The following LRP1B variants were observed in gnomAD, a reference collection of about 807,000 sequenced individuals.
The protein encoded by LRP1B is low-density lipoprotein receptor-related protein 1B.
A neutral mutation model predicts 556.6 loss-of-function variants in LRP1B; 217 were observed. The ratio of observed to expected loss-of-function variants is 0.39; its 90% CI spans 0.35 to 0.44. LRP1B has a LOEUF of 0.44. LRP1B is among the 20% of genes least tolerant of loss of function. The probability of loss-of-function intolerance (pLI) is 1.00; values close to 1 mark genes in which losing one functional copy is unlikely to be tolerated. For missense variants in LRP1B, 5,053 were observed against 5,620.8 expected, an observed-to-expected ratio of 0.90 and a Z score of 3.23; for synonymous variants, 2,047 against 1,865.8, an observed-to-expected ratio of 1.10 and a Z score of -2.50.
intron 2 of LRP1B, among the ~76,000 whole-genome samples, chr2:141,720,153 G>A (rs16846964): frequency 0.016 from 2,386 of 152,116 alleles, 27 homozygotes; most frequent in South Asian, 0.023. Context: ...CTATTAAAAG[G>A]AATTGTCATC....
At chr2:141,256,234 G>A (rs780825840) in intron 3 of LRP1B, among the ~76,000 whole-genome samples, 1 of 151,908 alleles carries the variant, frequency 6.6e-6, no homozygotes, top group Non-Finnish European at 1.5e-5. Flanking sequence ...TGAGAGTTTG[G>A]ATAGACAAAA....
At chr2:140,288,708 T>A (rs1683258831) in intron 84 of LRP1B, among the ~76,000 whole-genome samples, 1 of 152,000 alleles carries the variant, frequency 6.6e-6, no homozygotes, top group Admixed American at 6.6e-5. Flanking sequence ...TCATGGCTTC[T>A]ATTCATGAAA....
At chr2:140,304,873 T>C (rs1342261884) in intron 83 of LRP1B, among the ~76,000 whole-genome samples, 3 of 152,212 alleles carry the variant, frequency 2.0e-5, no homozygotes, top group Non-Finnish European at 2.9e-5. Context: ...TTTCAACATA[T>C]GGCTAGTCAG....
At chr2:141,369,594 AT>A (rs1162337270) in intron 3 of LRP1B, among the ~76,000 whole-genome samples, 1 of 152,192 alleles carries the variant, frequency 6.6e-6, no homozygotes, top group African/African-American at 2.4e-5. Context: ...CATTATTATC[AT>A]CATGATCAGT....
intron 2 of LRP1B, among the ~76,000 whole-genome samples, chr2:141,770,491 T>C (rs1694867363): frequency 6.6e-6 from 1 of 152,242 alleles, no homozygotes; most frequent in Non-Finnish European, 1.5e-5. Context: ...ATTTCACTAA[T>C]ACCTAGACTG....
At chr2:141,330,667 T>C (rs1031091159) in intron 3 of LRP1B, among the ~76,000 whole-genome samples, 1 of 152,172 alleles carries the variant, frequency 6.6e-6, no homozygotes, top group Non-Finnish European at 1.5e-5. Flanking sequence ...CTGACAATAT[T>C]AGCCGGTTTC....
At chr2:142,057,795 G>A (rs1704734503) in intron 1 of LRP1B, among the ~76,000 whole-genome samples, 1 of 152,046 alleles carries the variant, frequency 6.6e-6, no homozygotes, top group Admixed American at 6.6e-5. Context: ...TGTTTTCTCA[G>A]TCCTTTAAGA....
intron 43 of LRP1B, among the ~76,000 whole-genome samples, chr2:140,556,129 C>T (rs1430599310): frequency 1.3e-5 from 2 of 151,898 alleles, no homozygotes; most frequent in South Asian, 2.1e-4. Flanking sequence ...ACACATTACC[C>T]CAAAATATGG....
At chr2:141,068,967 A>G (rs1224201126) in intron 7 of LRP1B, among the ~76,000 whole-genome samples, 1 of 152,088 alleles carries the variant, frequency 6.6e-6, no homozygotes, top group African/African-American at 2.4e-5. Context: ...TTTTGGCCTA[A>G]ATTGAAAACA....
At chr2:141,219,233 G>A (rs1424069178) in intron 6 of LRP1B, among the ~76,000 whole-genome samples, 4 of 152,168 alleles carry the variant, frequency 2.6e-5, no homozygotes, top group Non-Finnish European at 5.9e-5. Context: ...CACCATCACT[G>A]AGGCTGTCAT....
chr2:141,299,003 G>A (rs922853521), intron 3 of LRP1B, among the ~76,000 whole-genome samples: 6 of 149,996 alleles, frequency 4.0e-5, no homozygotes, highest in African/African-American at 2.5e-5. Context: ...CTGTAACCAT[G>A]AGTATAATAC....
chr2:140,623,956 G>GTATATATA (rs3060390), intron 41 of LRP1B, among the ~76,000 whole-genome samples: 4,321 of 106,418 alleles, frequency 0.041, 507 homozygotes, highest in African/African-American at 0.13. Flanking sequence ...TTTTATTTAT[G>GTATATATA]TATATATATA....
At chr2:140,673,225 T>C (rs1021245416) in intron 41 of LRP1B, among the ~76,000 whole-genome samples, 1 of 152,228 alleles carries the variant, frequency 6.6e-6, no homozygotes, top group Non-Finnish European at 1.5e-5. Context: ...AGTTCATTGC[T>C]TACAACTCCT....
intron 3 of LRP1B, among the ~76,000 whole-genome samples, chr2:141,320,877 T>C (rs1042108939): frequency 1.3e-5 from 2 of 152,052 alleles, no homozygotes; most frequent in Admixed American, 6.6e-5. Context: ...TCCACGTGGG[T>C]AAGAAATAAC....
intron 41 of LRP1B, among the ~76,000 whole-genome samples, chr2:140,615,832 G>C (rs1377131155): frequency 6.6e-6 from 1 of 151,716 alleles, no homozygotes; most frequent in East Asian, 1.9e-4. Flanking sequence ...TTCATACTTA[G>C]TATTTCCCCA....
rs147972747 is a variant in LRP1B, at chr2:140,402,563, G to A, written c.10415-16554C>T. On this transcript the variant is annotated intron_variant, in intron 66 of 90. Coordinates refer to ENST00000389484, the MANE Select transcript of LRP1B (RefSeq NM_018557.3). ...ATCAACATTCCTACAGAGAAAAAGA[G>A]GTGCCTGTCTGATCTGAGTAGCTGG... 1.7e-3 allele frequency among the ~76,000 whole-genome samples: 254 copies of A among 152,282 alleles called. 2 individuals are homozygous for A. Among genetic ancestry groups the A allele is most frequent in the African/African-American group, 5.8e-3 (243 of 41,564 alleles).
At chr2:141,204,529 C>T (rs1164718104) in intron 6 of LRP1B, among the ~76,000 whole-genome samples, 1 of 152,048 alleles carries the variant, frequency 6.6e-6, no homozygotes, top group Admixed American at 6.6e-5. Flanking sequence ...AGAGATTTAC[C>T]CCATAGCACT....
intron 86 of LRP1B, among the ~76,000 whole-genome samples, chr2:140,265,809 T>C (rs761212175): frequency 2.0e-5 from 3 of 152,066 alleles, no homozygotes; most frequent in African/African-American, 4.8e-5. Flanking sequence ...GTGAGGAGAA[T>C]TGACCACTAG....
chr2:140,982,066 A>G, intron 18 of LRP1B, 94 bp downstream of exon 18: 2 of 976,320 alleles, frequency 2.0e-6, no homozygotes, highest in Non-Finnish European at 3.1e-6. Flanking sequence ...ACCTGTACTC[A>G]TAAAGAAATA....
Sources: allele counts gnomAD v4.1 joint callset (sites outside exome capture counted in the v4.1 genomes callset), GRCh38; gene constraint gnomAD v4.1.1; transcripts MANE v1.5; gene names NCBI Gene and HGNC (gene_info 2026-07-23, HGNC 2026-07-21).